NPHS2: variants seen among roughly 807,000 people sequenced by gnomAD.
NPHS2 encodes the protein podocin.
In NPHS2, 36 loss-of-function variants were observed where a neutral mutation model predicts 37.1. The ratio of observed to expected loss-of-function variants is 0.97; its 90% confidence interval spans 0.74 to 1.28. The LOEUF (loss-of-function observed/expected upper bound fraction) is 1.28, where lower values mean the gene tolerates loss of function less well. Among genes scored for constraint, NPHS2 ranks in the 50% most tolerant of loss-of-function variants. The pLI is 0.00. For synonymous variants in NPHS2, 196 were observed against 189.3 expected, an observed-to-expected ratio of 1.04 and a Z score of -0.29; for missense variants, 447 against 488.1, an observed-to-expected ratio of 0.92 and a Z score of 0.79.
At chr1:179,560,284 C>T (rs1484306453) in intron 3 of NPHS2, among the ~76,000 whole-genome samples, 1 of 152,108 alleles carries the variant, frequency 6.6e-6, no homozygotes, top group Non-Finnish European at 1.5e-5. Flanking sequence ...AGTCCTCACC[C>T]ACCCAATATA....
chr1:179,552,592 G>A lies in NPHS2; in HGVS notation c.873+11C>T, dbSNP rs372303141. 916 of 1,609,394 alleles carry A rather than the reference G, an allele frequency of 5.7e-4. 11 individuals are homozygous for A. In the South Asian group the frequency reaches 7.9e-3, roughly 14 times the overall value. On this transcript the variant is annotated intron_variant, in intron 7 of 7. Coordinates refer to ENST00000367615, the MANE Select transcript of NPHS2 (RefSeq NM_014625.4). ...TAAAGGGCAGTCTGGGTGGGAGGAT[G>A]GAGTGCTCACCCGCACTTTGGCTTG...
intron 1 of NPHS2, among the ~76,000 whole-genome samples, chr1:179,570,403 T>G (rs1355400264): frequency 6.6e-6 from 1 of 152,248 alleles, no homozygotes; most frequent in South Asian, 2.1e-4. Context: ...GTATCCCTTA[T>G]GGGAAACAAA....
chr1:179,562,588 A>G (rs140100787), intron 2 of NPHS2, among the ~76,000 whole-genome samples: 1,598 of 152,340 alleles, frequency 0.01, 32 homozygotes, highest in African/African-American at 0.035. Flanking sequence ...AGGCCCAACA[A>G]AACACATTTT....
At position 179,575,608 on chromosome 1, in the gene NPHS2, C is replaced by T; in HGVS notation, c.257G>A (p.Ser86Asn). ...ATCCGTACCTTCCTCGGGCCGCTCG[C>T]TCTCCAACAGCGCCACCACCTCGGT... The part of the protein sequence containing the change: ...EGTEVVALLE[S>N]ERPEEGTKSS... Residue 86 changes from serine to asparagine, a missense_variant, in exon 1 of 8, where the codon AGC becomes AAC. Transcript: ENST00000367615. 6.2e-7 allele frequency: 1 copy of T among 1,602,586 alleles called. No homozygotes were observed.
intron 6 of NPHS2, 43 bp from the exon 7 acceptor site, chr1:179,552,724 T>C (rs1365242694): frequency 1.4e-6 from 2 of 1,477,304 alleles, no homozygotes; most frequent in Admixed American, 1.7e-5. Context: ...GCAGCCATGA[T>C]TTAGGGGCCA....
intron 2 of NPHS2, 66 bp from the exon 3 acceptor site, chr1:179,561,427 T>G: frequency 1.6e-6 from 2 of 1,234,282 alleles, no homozygotes; most frequent in Non-Finnish European, 2.4e-6. Flanking sequence ...GGCCTTGGCA[T>G]AAGAATGATC....
chr1:179,569,378 C>T (rs1187945416), intron 1 of NPHS2, among the ~76,000 whole-genome samples: 9 of 151,886 alleles, frequency 5.9e-5, no homozygotes, highest in African/African-American at 1.7e-4. Context: ...TGCTTTTTTT[C>T]GCTTTCCATT....
Position 179,556,904 on chromosome 1 carries a change from A to C in NPHS2, c.738+123T>G, listed in dbSNP as rs975451263. On this transcript the variant is annotated intron_variant, in intron 5 of 7. Coordinates refer to ENST00000367615, the MANE Select transcript of NPHS2 (RefSeq NM_014625.4). This position sits in a 1 kb window ranked among gnomAD's most constrained non-coding sequence, Gnocchi z 4.1. ...TTTGGCAACCTCCTAACTAGCTATG[A>C]GCTCCCAAAGGGATGGCCCCTAAGG... is the stretch of plus-strand genomic sequence containing the variant. 1.1e-6 allele frequency: 1 copy of C among 906,492 alleles called. No individual in the cohort carries two copies. The highest frequency in any genetic ancestry group is 1.7e-6 in the Non-Finnish European group (1 of 575,122). The allele number at this position is 906,492 out of a possible 1,614,324, so 56.2% of individuals were successfully genotyped here. A position where few individuals can be genotyped will look rare whatever the true frequency, so the allele number is the denominator to read the frequency against.
intron 1 of NPHS2, among the ~76,000 whole-genome samples, chr1:179,567,982 G>C (rs906362070): frequency 2.6e-5 from 4 of 152,234 alleles, no homozygotes; most frequent in East Asian, 3.9e-4. Context: ...TTTTTGCATC[G>C]ATGTTCATCA....
intron 1 of NPHS2, among the ~76,000 whole-genome samples, chr1:179,568,081 G>C (rs1286013026): frequency 2.0e-5 from 3 of 152,102 alleles, no homozygotes; most frequent in Admixed American, 6.5e-5. Context: ...ATGAGTTAGG[G>C]AGGATTCCCT....
chr1:179,575,722 G>GAGCCC lies in NPHS2; in HGVS notation c.138_142dup (p.Ser48TrpfsTer53), dbSNP rs1057516747. The GAGCCC allele has an allele frequency of 6.5e-7, 1 of 1,544,106 alleles. No homozygotes were observed. Among genetic ancestry groups the GAGCCC allele is most frequent in the Non-Finnish European group, 8.7e-7 (1 of 1,149,842 alleles). On this transcript the variant is annotated frameshift_variant, in exon 1 of 8. Transcript: ENST00000367615. LOFTEE classifies it high-confidence loss of function. The stretch of plus-strand genomic sequence containing the variant: ...CTCCCCCGGGGTCCCCGCCCGTCCG[G>GAGCCC]AGCCCGACGGCTCGGGCCCAGCCTC...
intron 4 of NPHS2, among the ~76,000 whole-genome samples, chr1:179,558,930 A>G (rs1049316412): frequency 6.6e-6 from 1 of 152,114 alleles, no homozygotes; most frequent in African/African-American, 2.4e-5. Context: ...TCAAGTTCGT[A>G]TTAGGGTTCT....
intron 1 of NPHS2, among the ~76,000 whole-genome samples, chr1:179,575,390 A>G (rs907737062): frequency 1.3e-4 from 20 of 151,982 alleles, no homozygotes; most frequent in Admixed American, 9.8e-4. Flanking sequence ...ATATAGTGAT[A>G]TTTGTATTTC....
rs1169935358 is a variant in NPHS2, at chr1:179,561,072, GCTCTCTGTA to G, written c.451+208_451+216del. On this transcript the variant is annotated intron_variant, in intron 3 of 7. Transcript: ENST00000367615. The stretch of plus-strand genomic sequence containing the variant: ...CAGCAAGCCTTGCCCTGGCATGTGG[GCTCTCTGTA>G]CCAATTCTCTCTCTTGGCTACCTAT... Among the ~76,000 whole-genome samples the G allele has an allele frequency of 3.3e-5, 5 of 152,194 alleles. No homozygotes were observed. The East Asian group carries it at 9.6e-4, about 29-fold the overall frequency.
chr1:179,567,620 G>C (rs112682070), intron 1 of NPHS2, among the ~76,000 whole-genome samples: 3,663 of 152,244 alleles, frequency 0.024, 126 homozygotes, highest in African/African-American at 0.081. Flanking sequence ...AGGGTGGTGA[G>C]AGAGGGCTTC....
chr1:179,566,565 T>C (rs1361982509), intron 1 of NPHS2, among the ~76,000 whole-genome samples: 1 of 152,262 alleles, frequency 6.6e-6, no homozygotes, highest in Non-Finnish European at 1.5e-5. Flanking sequence ...GCTCTTTAGT[T>C]TAATTAGATC....
At chr1:179,569,846 T>C (rs1674484456) in intron 1 of NPHS2, among the ~76,000 whole-genome samples, 1 of 152,190 alleles carries the variant, frequency 6.6e-6, no homozygotes. Flanking sequence ...AAAATTATTT[T>C]CTTTAAGAAT....
chr1:179,552,930 G>A (rs1673535201), intron 6 of NPHS2, among the ~76,000 whole-genome samples: 1 of 152,216 alleles, frequency 6.6e-6, no homozygotes, highest in Non-Finnish European at 1.5e-5. Context: ...CAGCACAGCA[G>A]GTTTTGTATT....
At chr1:179,569,150 G>T (rs114363335) in intron 1 of NPHS2, among the ~76,000 whole-genome samples, 3,090 of 152,202 alleles carry the variant, frequency 0.02, 108 homozygotes, top group African/African-American at 0.071. Context: ...TGAGAGCAGG[G>T]TGTTAAATTT....
Sources: allele counts gnomAD v4.1 joint callset (sites outside exome capture counted in the v4.1 genomes callset), GRCh38; gene constraint gnomAD v4.1.1; non-coding constraint Gnocchi (gnomAD v3.1); transcripts MANE v1.5; gene names NCBI Gene and HGNC (gene_info 2026-07-23, HGNC 2026-07-21).